Variants in GCN1 observed in about 807,000 individuals in gnomAD.
GCN1 encodes GCN1 activator of EIF2AK4.
In GCN1, 90 loss-of-function variants were observed where a neutral mutation model predicts 288.4. The ratio of observed to expected loss-of-function variants is 0.31; its 90% CI spans 0.26 to 0.37. The LOEUF (loss-of-function observed/expected upper bound fraction) is 0.37. Among genes scored for constraint, GCN1 ranks in the 10% least tolerant of loss-of-function variants. The pLI is 1.00. For missense variants in GCN1, 2,586 were observed against 3,419.9 expected (o/e 0.76, Z 6.08); for synonymous variants, 1,386 against 1,420.2 (o/e 0.98, Z 0.54).
chr12:120,166,469 C>A (rs933070955), intron 16 of GCN1, among the ~76,000 whole-genome samples: 5 of 149,630 alleles, frequency 3.3e-5, no homozygotes, highest in African/African-American at 1.2e-4. Flanking sequence ...CTTTGGGAGG[C>A]CAAGGTGGGC....
intron 51 of GCN1, among the ~76,000 whole-genome samples, chr12:120,135,973 G>A (rs373588202): frequency 3.3e-5 from 5 of 151,864 alleles, no homozygotes; most frequent in African/African-American, 7.3e-5. Context: ...CCGAGATCGC[G>A]CCACTGCACT....
At position 120,142,733 on chromosome 12, in the gene GCN1, T is replaced by G; in HGVS notation, c.5614-11A>C. On this transcript the variant is annotated splice_polypyrimidine_tract_variant and intron_variant, in intron 43 of 57. Coordinates refer to ENST00000300648, the MANE Select transcript of GCN1 (RefSeq NM_006836.2). This position sits in a 1 kb window ranked among gnomAD's most constrained non-coding sequence, Gnocchi z 4.9. The stretch of plus-strand genomic sequence containing the variant: ...GGCAGTGATGATCGCCTGCAGCCAG[T>G]AGAAGGGGACAGAGAGTAGTGAAGC... The G allele has an allele frequency of 1.2e-6, 2 of 1,613,412 alleles. No individual in the cohort carries two copies. Among genetic ancestry groups the G allele is most frequent in the Non-Finnish European group, 1.7e-6 (2 of 1,179,412 alleles).
rs139400706 is a variant in GCN1 at position 120,172,143 on chromosome 12, C to T, written c.1366+1510G>A. 6.6e-3 allele frequency among the ~76,000 whole-genome samples: 1,002 copies of T among 152,284 alleles called. 24 individuals are homozygous for T. Among genetic ancestry groups the T allele is most frequent in the African/African-American group, 0.023 (957 of 41,562 alleles). On this transcript the variant is annotated intron_variant, in intron 14 of 57. Transcript: ENST00000300648. ...CCTCCCAAAGTGTTGGGATTACAGG[C>T]GTGAGCCAGCTCGCCTGCCTCATAG...
rs372939009 is a variant in GCN1, at chr12:120,160,884, A to G, written c.2436+606T>C. Among the ~76,000 whole-genome samples, 5 of 152,362 alleles carry G rather than the reference A, an allele frequency of 3.3e-5. No homozygotes were observed. The South Asian group carries it at 1.0e-3, about 32-fold the overall frequency. On this transcript the variant is annotated intron_variant, in intron 22 of 57. Coordinates refer to ENST00000300648, the MANE Select transcript of GCN1 (RefSeq NM_006836.2). The stretch of plus-strand genomic sequence containing the variant: ...CTTTTGGGTTATGATAAATGTTAGT[A>G]AAGAAACAAATATGATGTTTAGTAA...
chr12:120,150,029 AG>A lies in GCN1; in HGVS notation c.4323del (p.Phe1442SerfsTer45). 6.2e-7 allele frequency: 1 copy of A among 1,614,072 alleles called. No homozygotes were observed. Among genetic ancestry groups the A allele is most frequent in the Non-Finnish European group, 8.5e-7 (1 of 1,179,994 alleles). On this transcript the variant is annotated frameshift_variant, in exon 35 of 58. Coordinates refer to ENST00000300648, the MANE Select transcript of GCN1 (RefSeq NM_006836.2). LOFTEE classifies it high-confidence loss of function. ...NFRRREGALF[A>X]FEMLCTMLGK... ...CCCAGCATGGTGCAGAGCATCTCGA[AG>A]GCAAAGAGGGCTCCTAGGGGAAAAG...
At chr12:120,164,199 C>CG (rs1464524631) in intron 18 of GCN1, 137 bp downstream of exon 18, 1 of 688,356 alleles carries the variant, frequency 1.5e-6, no homozygotes, top group East Asian at 2.6e-5. Flanking sequence ...TGGAGCTTGA[C>CG]GGCAGAGCAG....
At chr12:120,128,426 C>T (rs1438793170) in intron 57 of GCN1, among the ~76,000 whole-genome samples, 1 of 152,032 alleles carries the variant, frequency 6.6e-6, no homozygotes, top group Non-Finnish European at 1.5e-5. Context: ...ACCTCCGCCT[C>T]CCAGGTTCAA....
chr12:120,179,427 T>G (rs1594286728), intron 5 of GCN1, among the ~76,000 whole-genome samples: 2 of 139,484 alleles, frequency 1.4e-5, no homozygotes, highest in Admixed American at 7.5e-5. Context: ...TGAGACAGAG[T>G]CTCGCTCTGT....
chr12:120,171,128 G>A (rs1335580364), intron 14 of GCN1, among the ~76,000 whole-genome samples: 3 of 132,346 alleles, frequency 2.3e-5, no homozygotes, highest in African/African-American at 3.0e-5. Context: ...GTGACAGAAC[G>A]AGACCCCATC....
intron 4 of GCN1, 133 bp from the exon 5 acceptor site, chr12:120,183,810 C>A: frequency 1.6e-6 from 1 of 638,996 alleles, no homozygotes; most frequent in Non-Finnish European, 2.8e-6. Flanking sequence ...ACAAGTTCCC[C>A]ACAAACCATC....
chr12:120,176,265 C>G, intron 9 of GCN1, 48 bp from the exon 10 acceptor site: 1 of 1,269,052 alleles, frequency 7.9e-7, no homozygotes, highest in Non-Finnish European at 1.2e-6. Context: ...GCAATAAATT[C>G]AACAGATAAT....
At chr12:120,191,810 G>C (rs1284431875) in intron 1 of GCN1, among the ~76,000 whole-genome samples, 1 of 152,284 alleles carries the variant, frequency 6.6e-6, no homozygotes, top group East Asian at 1.9e-4. Flanking sequence ...CAACCCTTAG[G>C]TTGATCTGGT....
intron 22 of GCN1, among the ~76,000 whole-genome samples, chr12:120,160,521 A>C (rs1003129129): frequency 2.0e-5 from 3 of 152,230 alleles, no homozygotes; most frequent in Non-Finnish European, 2.9e-5. Context: ...ATGTTAGAGA[A>C]ATAAAGGTTC....
intron 34 of GCN1, among the ~76,000 whole-genome samples, chr12:120,150,726 AG>A (rs1172233487): frequency 6.6e-6 from 1 of 152,070 alleles, no homozygotes; most frequent in Admixed American, 6.5e-5. Context: ...TCACGAGGTC[AG>A]GAGATCGAGA....
At chr12:120,170,409 C>A in intron 14 of GCN1, 88 bp from the exon 15 acceptor site, 1 of 1,171,038 alleles carries the variant, frequency 8.5e-7, no homozygotes, top group Non-Finnish European at 1.2e-6. Context: ...CAGCTGTGAA[C>A]CAGACGACTA....
Position 120,153,593 on chromosome 12 carries a change from T to C in GCN1, c.3867+151A>G, listed in dbSNP as rs1877640356. On this transcript the variant is annotated intron_variant, in intron 32 of 57. Transcript: ENST00000300648. The surrounding 1 kb of genome is among the most constrained non-coding windows in gnomAD (Gnocchi z 4.4). ...CTTAAAAGAATTTAACACACTATCA[T>C]GGTCTTTTTGGCTCAAAGTGCTCTG... 8.1e-6 allele frequency: 7 copies of C among 869,048 alleles called. No individual in the cohort carries two copies. Among genetic ancestry groups the C allele is most frequent in the Admixed American group, 5.1e-5 (2 of 39,060 alleles). The allele number at this position is 869,048 out of a possible 1,614,324, so 53.8% of individuals were successfully genotyped here. A position where few individuals can be genotyped will look rare whatever the true frequency, so the allele number is the denominator to read the frequency against.
chr12:120,130,700 G>T lies in GCN1; in HGVS notation c.7617C>A (p.His2539Gln). 6.2e-7 allele frequency: 1 copy of T among 1,614,038 alleles called. No individual in the cohort carries two copies. Among genetic ancestry groups the T allele is most frequent in the Non-Finnish European group, 8.5e-7 (1 of 1,179,932 alleles). The change falls in exon 56 of 58, where the codon CAC (histidine) becomes CAA (glutamine). Residue 2539 changes from histidine to glutamine, a missense_variant. Transcript: ENST00000300648. ...GCAACTGCCCTCCGCCTGTCTCGAT[G>T]TGGTGTCTCATGAGAAAGCCCATGC... is the stretch of plus-strand genomic sequence containing the variant. ...VRGMGFLMRH[H>Q]IETGGGQLPA...
chr12:120,144,580 G>A lies in GCN1; in HGVS notation c.5352+59C>T, dbSNP rs1392254424. On this transcript the variant is annotated intron_variant, in intron 41 of 57. Transcript: ENST00000300648. The surrounding 1 kb of genome is among the most constrained non-coding windows in gnomAD (Gnocchi z 4.7). ...AGCAGGGATCTCTAGCTCTCCAGGTGAGCACTTGCCTCCTGCCCTCCTCAA... is the reference window on the plus strand; with the variant it reads ...AGCAGGGATCTCTAGCTCTCCAGGTAAGCACTTGCCTCCTGCCCTCCTCAA... The A allele has an allele frequency of 6.4e-7, 1 of 1,559,490 alleles. No individual in the cohort carries two copies. Among genetic ancestry groups the A allele is most frequent in the South Asian group, 1.1e-5 (1 of 87,730 alleles).
rs1877726596 is a variant in GCN1, at chr12:120,155,769, C to T, written c.3313-50G>A. On this transcript the variant is annotated intron_variant, in intron 28 of 57. Coordinates refer to ENST00000300648, the MANE Select transcript of GCN1 (RefSeq NM_006836.2). This position sits in a 1 kb window ranked among gnomAD's most constrained non-coding sequence, Gnocchi z 4.9. ...GTGAGGCATCATCTTTCAGAAGAGCCTCTGACCTGCCTCCTCACCTCTCTC... is the reference window on the plus strand; with the variant it reads ...GTGAGGCATCATCTTTCAGAAGAGCTTCTGACCTGCCTCCTCACCTCTCTC... 6.2e-7 allele frequency: 1 copy of T among 1,600,416 alleles called. No individual in the cohort carries two copies.
Sources: allele counts gnomAD v4.1 joint callset (sites outside exome capture counted in the v4.1 genomes callset), GRCh38; gene constraint gnomAD v4.1.1; non-coding constraint Gnocchi (gnomAD v3.1); transcripts MANE v1.5; gene names NCBI Gene and HGNC (gene_info 2026-07-23, HGNC 2026-07-21).